The following PRKX variants were observed in gnomAD, a reference collection of about 807,000 sequenced individuals.
The protein encoded by PRKX is cAMP-dependent protein kinase catalytic subunit PRKX.
A neutral mutation model predicts 22.0 loss-of-function variants in PRKX; 12 were observed. That is an observed-to-expected ratio of 0.54 (90% CI 0.35 to 0.88). PRKX has a LOEUF of 0.88. Ranked by LOEUF, PRKX falls within the 40% of genes least tolerant of loss-of-function variation. The pLI is 0.01. For missense variants in PRKX, 217 were observed against 308.0 expected, an observed-to-expected ratio of 0.70 and a Z score of 2.21; for synonymous variants, 134 against 137.7, an observed-to-expected ratio of 0.97 and a Z score of 0.19.
chrX:3,632,081 G>C (rs1239808245), intron 4 of PRKX, among the ~76,000 whole-genome samples: 5 of 111,848 alleles, frequency 4.5e-5, no homozygotes, highest in Non-Finnish European at 9.4e-5. Flanking sequence ...AGTGGGGGTG[G>C]GTTACATGAG....
At chrX:3,697,452 C>T (rs865870931) in intron 1 of PRKX, among the ~76,000 whole-genome samples, 2 of 111,995 alleles carry the variant, frequency 1.8e-5, no homozygotes, top group East Asian at 5.6e-4. Flanking sequence ...TCTGTTACTC[C>T]TTTATCTCCT....
chrX:3,638,621 G>A (rs1417451992), intron 4 of PRKX, among the ~76,000 whole-genome samples: 2 of 111,685 alleles, frequency 1.8e-5, no homozygotes, highest in Non-Finnish European at 3.8e-5. Context: ...TGACTTGTAG[G>A]CATGTCTCAG....
chrX:3,647,053 G>A, intron 3 of PRKX, among the ~76,000 whole-genome samples: 1 of 110,742 alleles, frequency 9.0e-6, no homozygotes, highest in Non-Finnish European at 1.9e-5. Context: ...AAGAAGCTAG[G>A]GGAAAAGGTC....
intron 4 of PRKX, among the ~76,000 whole-genome samples, chrX:3,639,506 G>A: frequency 2.5e-5 from 1 of 40,242 alleles, no homozygotes; most frequent in Non-Finnish European, 5.0e-5. Context: ...GTACATGGAT[G>A]GATGAAGGAG....
chrX:3,639,488 GGGAGT>G (rs1266648375), intron 4 of PRKX, among the ~76,000 whole-genome samples: 10 of 34,474 alleles, frequency 2.9e-4, no homozygotes, highest in Non-Finnish European at 5.3e-4. Flanking sequence ...TAGGGGGTGG[GGGAGT>G]GGGTACATGG....
At chrX:3,670,502 G>A (rs184681206) in intron 2 of PRKX, among the ~76,000 whole-genome samples, 129 of 111,872 alleles carry the variant, frequency 1.2e-3, no homozygotes, top group African/African-American at 3.8e-3. Context: ...TCACTAAGGC[G>A]GTCTCATGGG....
At chrX:3,705,229 C>T (rs964719052) in intron 1 of PRKX, among the ~76,000 whole-genome samples, 8 of 111,154 alleles carry the variant, frequency 7.2e-5, no homozygotes, top group Admixed American at 9.6e-5. Flanking sequence ...AATTAACAGA[C>T]GGTGCCATCT....
intron 2 of PRKX, among the ~76,000 whole-genome samples, chrX:3,662,641 A>G (rs1471053228): frequency 9.3e-5 from 9 of 96,576 alleles, no homozygotes; most frequent in Admixed American, 3.7e-4. Context: ...CTTGCAGTGA[A>G]CCAAGATCAC....
chrX:3,700,749 T>TTCGTTGTTG (rs1555898377), intron 1 of PRKX, among the ~76,000 whole-genome samples: 1 of 105,468 alleles, frequency 9.5e-6, no homozygotes, highest in African/African-American at 3.5e-5. Flanking sequence ...CAGCTAATTG[T>TTCGTTGTTG]TTGTTGTTGT....
At chrX:3,698,394 C>T (rs947909481) in intron 1 of PRKX, among the ~76,000 whole-genome samples, 8 of 110,839 alleles carry the variant, frequency 7.2e-5, no homozygotes, top group Non-Finnish European at 1.5e-4. Context: ...CCAGGCTGGT[C>T]TCGAACTCCT....
intron 4 of PRKX, among the ~76,000 whole-genome samples, chrX:3,629,245 AC>A (rs1210840184): frequency 1.0e-5 from 1 of 99,978 alleles, no homozygotes; most frequent in Non-Finnish European, 2.0e-5. Context: ...TCAGTGAACT[AC>A]TTTTTTTTTT....
At chrX:3,653,579 T>C in intron 3 of PRKX, among the ~76,000 whole-genome samples, 2 of 99,166 alleles carry the variant, frequency 2.0e-5, no homozygotes. Context: ...TAGTATGATA[T>C]AGGTATACTA....
At chrX:3,686,848 C>T (rs1263692529) in intron 1 of PRKX, among the ~76,000 whole-genome samples, 5 of 111,747 alleles carry the variant, frequency 4.5e-5, no homozygotes, top group Non-Finnish European at 7.5e-5. Context: ...TGAGCCATCA[C>T]GCAGACCAAA....
intron 3 of PRKX, among the ~76,000 whole-genome samples, chrX:3,644,959 C>T (rs139379194): frequency 0.015 from 1,638 of 111,636 alleles, 32 homozygotes; most frequent in African/African-American, 0.05. Context: ...TTGTATGAGG[C>T]TGTATAAGTA....
chrX:3,709,557 G>A (rs1280390731), intron 1 of PRKX, among the ~76,000 whole-genome samples: 5 of 111,231 alleles, frequency 4.5e-5, no homozygotes, highest in Non-Finnish European at 9.4e-5. Flanking sequence ...TTCCTGACAG[G>A]TTAACACTTG....
intron 2 of PRKX, among the ~76,000 whole-genome samples, chrX:3,663,200 C>T (rs1223402865): frequency 2.8e-5 from 3 of 107,323 alleles, no homozygotes; most frequent in Admixed American, 1.0e-4. Flanking sequence ...CAGCAGAGAT[C>T]AGAGATCAGT....
chrX:3,612,870 T>C (rs1011363795), intron 7 of PRKX, among the ~76,000 whole-genome samples: 1 of 110,320 alleles, frequency 9.1e-6, no homozygotes, highest in Non-Finnish European at 1.9e-5. Context: ...ATGAGGAAGC[T>C]GGCTAGGCGC....
At chrX:3,693,958 A>G (rs1409844327) in intron 1 of PRKX, among the ~76,000 whole-genome samples, 1 of 107,546 alleles carries the variant, frequency 9.3e-6, no homozygotes, top group Non-Finnish European at 1.9e-5. Context: ...AAAAAAAAAA[A>G]AGAAAAGAAA....
Position 3,655,185 on chromosome X carries a change from A to G in PRKX, c.563T>C (p.Leu188Pro), listed in dbSNP as rs200688274. Residue 188 changes from leucine to proline, a missense_variant, in exon 3 of 9, where the codon CTC (leucine) becomes CCC (proline). By Grantham distance (98) the Leu-to-Pro change is moderately conservative. Coordinates refer to ENST00000262848, the MANE Select transcript of PRKX (RefSeq NM_005044.5). Reference sequence around the variant, plus strand: ...CTTCTTGGCGAACCCAAAGTCCGTGAGCTTAATGTGGCCATCCCTATCCAG... The same window carrying G: ...CTTCTTGGCGAACCCAAAGTCCGTGGGCTTAATGTGGCCATCCCTATCCAG... ...ILLDRDGHIK[L>P]TDFGFAKKLV... is the part of the protein sequence containing the mutation. The G allele has an allele frequency of 3.3e-6, 4 of 1,210,021 alleles. No homozygotes were observed. The highest frequency in any genetic ancestry group is 4.5e-6 in the Non-Finnish European group (4 of 895,240).
Sources: allele counts gnomAD v4.1 joint callset (sites outside exome capture counted in the v4.1 genomes callset), GRCh38; gene constraint gnomAD v4.1.1; transcripts MANE v1.5; gene names NCBI Gene and HGNC (gene_info 2026-07-23, HGNC 2026-07-21).